PTPRO: variants seen among roughly 807,000 people sequenced by gnomAD.
The protein encoded by PTPRO is receptor-type tyrosine-protein phosphatase O.
A neutral mutation model predicts 145.2 loss-of-function variants in PTPRO; 62 were observed. That is an observed-to-expected ratio of 0.43 (90% CI 0.35 to 0.53). The LOEUF (loss-of-function observed/expected upper bound fraction) is 0.53. Ranked by LOEUF, PTPRO falls within the 20% of genes least tolerant of loss-of-function variation. The pLI is 0.01. For missense variants in PTPRO, 1,345 were observed against 1,482.7 expected, an observed-to-expected ratio of 0.91 and a Z score of 1.53; for synonymous variants, 565 against 514.7, an observed-to-expected ratio of 1.10 and a Z score of -1.32.
chr12:15,323,767 AAATGGATGCCAGGTT>A (rs1456502555), intron 1 of PTPRO, among the ~76,000 whole-genome samples: 1 of 152,198 alleles, frequency 6.6e-6, no homozygotes, highest in Non-Finnish European at 1.5e-5. Context: ...CCTTCCCTAG[AAATGGATGCCAGGTT>A]AATGGATCCA....
At chr12:15,390,546 G>A (rs1220120603) in intron 1 of PTPRO, among the ~76,000 whole-genome samples, 7 of 151,832 alleles carry the variant, frequency 4.6e-5, no homozygotes, top group Admixed American at 1.3e-4. Flanking sequence ...CACAACACGC[G>A]GGAATTATGG....
At chr12:15,499,829 T>A (rs886142238) in intron 4 of PTPRO, among the ~76,000 whole-genome samples, 1 of 152,186 alleles carries the variant, frequency 6.6e-6, no homozygotes, top group Non-Finnish European at 1.5e-5. Flanking sequence ...AATAAAAAGC[T>A]ACTATACTAT....
At chr12:15,443,003 C>T (rs1377993744) in intron 1 of PTPRO, among the ~76,000 whole-genome samples, 2 of 151,912 alleles carry the variant, frequency 1.3e-5, no homozygotes, top group African/African-American at 4.8e-5. Flanking sequence ...CAAAAAAGAG[C>T]CCAAATAGTC....
At chr12:15,462,491 G>C (rs2099646951) in intron 1 of PTPRO, among the ~76,000 whole-genome samples, 1 of 152,154 alleles carries the variant, frequency 6.6e-6, no homozygotes, top group Admixed American at 6.5e-5. Context: ...ATGGTGCTCT[G>C]TGCTTTTAGT....
chr12:15,480,189 A>G (rs1941749002), intron 1 of PTPRO, among the ~76,000 whole-genome samples: 1 of 152,152 alleles, frequency 6.6e-6, no homozygotes, highest in Admixed American at 6.5e-5. Flanking sequence ...TTCATTCATT[A>G]TGAGCATACT....
chr12:15,396,004 G>A (rs879481072), intron 1 of PTPRO, among the ~76,000 whole-genome samples: 3 of 152,154 alleles, frequency 2.0e-5, no homozygotes, highest in Non-Finnish European at 4.4e-5. Context: ...TCTGATGAAT[G>A]CATTTACCAC....
At chr12:15,415,532 CT>C (rs1939938615) in intron 1 of PTPRO, among the ~76,000 whole-genome samples, 1 of 151,848 alleles carries the variant, frequency 6.6e-6, no homozygotes, top group Non-Finnish European at 1.5e-5. Flanking sequence ...CTACAGGCAC[CT>C]GCCACCACAC....
intron 1 of PTPRO, among the ~76,000 whole-genome samples, chr12:15,340,119 T>C (rs1456111538): frequency 1.3e-5 from 2 of 152,170 alleles, no homozygotes; most frequent in Non-Finnish European, 2.9e-5. Flanking sequence ...AGGAACTTTA[T>C]GTACATTATC....
rs1285174483 is a variant in PTPRO, at chr12:15,597,502, T to C, written c.*1429T>C. On this transcript the variant is annotated 3_prime_UTR_variant, in exon 27 of 27. Transcript: ENST00000281171. The stretch of plus-strand genomic sequence containing the variant: ...TTCCCTCCATCCCTGATCATCTTCA[T>C]GAAGCCACAGATATAAGATCAGCTT... 6.6e-6 allele frequency: 1 copy of C among 152,272 alleles called. No homozygotes were observed. Among genetic ancestry groups the C allele is most frequent in the Non-Finnish European group, 1.5e-5 (1 of 68,084 alleles). The allele number at this position is 152,272 out of a possible 1,614,324, so 9.4% of individuals were successfully genotyped here.
chr12:15,500,109 G>GGATT (rs1942189649), intron 4 of PTPRO, among the ~76,000 whole-genome samples: 1 of 151,984 alleles, frequency 6.6e-6, no homozygotes, highest in African/African-American at 2.4e-5. Flanking sequence ...ATGGATGGAT[G>GGATT]GATGGATGGA....
At chr12:15,351,166 C>T (rs968790326) in intron 1 of PTPRO, among the ~76,000 whole-genome samples, 3 of 151,916 alleles carry the variant, frequency 2.0e-5, no homozygotes, top group Non-Finnish European at 2.9e-5. Flanking sequence ...CCCAGGATGC[C>T]GACTAACAGC....
intron 1 of PTPRO, among the ~76,000 whole-genome samples, chr12:15,362,859 TAA>T (rs1828900653): frequency 6.6e-6 from 1 of 152,248 alleles, no homozygotes; most frequent in African/African-American, 2.4e-5. Context: ...AAATCTAAGT[TAA>T]GTGTTCTTGC....
chr12:15,406,145 T>C (rs192395242), intron 1 of PTPRO, among the ~76,000 whole-genome samples: 5 of 152,286 alleles, frequency 3.3e-5, no homozygotes, highest in Admixed American at 2.0e-4. Context: ...TCAGAGTCCA[T>C]TGTTGTATTC....
intron 1 of PTPRO, among the ~76,000 whole-genome samples, chr12:15,466,356 G>A (rs944161374): frequency 6.6e-6 from 1 of 152,078 alleles, no homozygotes; most frequent in Non-Finnish European, 1.5e-5. Context: ...TCAAGTAACG[G>A]CAAATCTGAG....
At chr12:15,437,650 TA>T (rs1940635772) in intron 1 of PTPRO, among the ~76,000 whole-genome samples, 1 of 152,014 alleles carries the variant, frequency 6.6e-6, no homozygotes, top group East Asian at 1.9e-4. Context: ...TGTTCGTAGA[TA>T]TTGGTGCAGG....
At chr12:15,473,814 A>G (rs1301502204) in intron 1 of PTPRO, among the ~76,000 whole-genome samples, 5 of 151,492 alleles carry the variant, frequency 3.3e-5, no homozygotes, top group Non-Finnish European at 5.9e-5. Flanking sequence ...CAAAACTAAA[A>G]TATAACACAA....
chr12:15,579,140 G>A (rs1944253606), intron 20 of PTPRO, among the ~76,000 whole-genome samples, 197 bp downstream of exon 20: 1 of 152,114 alleles, frequency 6.6e-6, no homozygotes, highest in South Asian at 2.1e-4. Flanking sequence ...TAATTATTGT[G>A]CTTTTAAATG....
intron 1 of PTPRO, among the ~76,000 whole-genome samples, chr12:15,388,581 T>C (rs1485549473): frequency 1.3e-5 from 2 of 152,236 alleles, no homozygotes; most frequent in African/African-American, 4.8e-5. Flanking sequence ...GTTCATGCAT[T>C]AATATTCAAC....
Position 15,578,706 on chromosome 12 carries a change from A to T in PTPRO, c.2830-147A>T, listed in dbSNP as rs186100924. The T allele has an allele frequency of 8.7e-6, 6 of 687,164 alleles. No homozygotes were observed. In the East Asian group the frequency reaches 1.6e-4, roughly 19 times the overall value. 42.6% of individuals were successfully genotyped at this position (687,164 alleles called of 1,614,324 possible). ...TAAGATCATTGGCCAAAGCAAGTTG[A>T]TGATAGTGGGGTGGAGTACCTTCCA... On this transcript the variant is annotated intron_variant, in intron 19 of 26. Coordinates refer to ENST00000281171, the MANE Select transcript of PTPRO (RefSeq NM_030667.3).
Sources: allele counts gnomAD v4.1 joint callset (sites outside exome capture counted in the v4.1 genomes callset), GRCh38; gene constraint gnomAD v4.1.1; transcripts MANE v1.5; gene names NCBI Gene and HGNC (gene_info 2026-07-23, HGNC 2026-07-21).